The following CNTN5 variants were observed in gnomAD, a reference collection of about 807,000 sequenced individuals.
The protein encoded by CNTN5 is contactin 5.
CNTN5 carries 77 observed loss-of-function variants against 129.1 expected under a neutral mutation model. The ratio of observed to expected loss-of-function variants is 0.60; its 90% CI spans 0.50 to 0.72. The LOEUF (loss-of-function observed/expected upper bound fraction) is 0.72. Among genes scored for constraint, CNTN5 ranks in the 30% least tolerant of loss-of-function variants. The pLI is 0.00. For synonymous variants in CNTN5, 509 were observed against 465.6 expected (o/e 1.09, Z -1.20); for missense variants, 1,478 against 1,328.8 (o/e 1.11, Z -1.75).
chr11:99,563,980 G>A (rs1402844377), intron 3 of CNTN5, among the ~76,000 whole-genome samples: 2 of 152,106 alleles, frequency 1.3e-5, no homozygotes, highest in African/African-American at 2.4e-5. Flanking sequence ...CAGAGAGCAC[G>A]TACAGCAATA....
chr11:99,759,090 AG>A (rs768694069), intron 3 of CNTN5, among the ~76,000 whole-genome samples: 1 of 152,078 alleles, frequency 6.6e-6, no homozygotes, highest in Non-Finnish European at 1.5e-5. Flanking sequence ...CAATCCACAT[AG>A]CAACTCTATA....
chr11:100,189,266 TA>T (rs35445081), intron 13 of CNTN5, among the ~76,000 whole-genome samples: 35,238 of 130,820 alleles, frequency 0.27, 4,196 homozygotes, highest in African/African-American at 0.34. Context: ...TAAGTTGAAT[TA>T]AAAAAAAAAA....
At chr11:99,744,091 T>A (rs552156407) in intron 3 of CNTN5, among the ~76,000 whole-genome samples, 1 of 152,236 alleles carries the variant, frequency 6.6e-6, no homozygotes, top group East Asian at 1.9e-4. Context: ...GGAAGACATA[T>A]ACTTCCAAAG....
intron 3 of CNTN5, among the ~76,000 whole-genome samples, chr11:99,578,281 A>G (rs978392842): frequency 3.9e-5 from 6 of 152,040 alleles, no homozygotes; most frequent in South Asian, 2.1e-4. Flanking sequence ...TAGTGCCACA[A>G]TAAACATACG....
intron 21 of CNTN5, among the ~76,000 whole-genome samples, chr11:100,329,756 C>T (rs1361288018): frequency 6.6e-6 from 1 of 152,170 alleles, no homozygotes; most frequent in East Asian, 1.9e-4. Flanking sequence ...CTCAGGAACC[C>T]TTATTGCTAG....
chr11:99,258,521 G>T (rs1591433829), intron 1 of CNTN5, among the ~76,000 whole-genome samples: 1 of 151,776 alleles, frequency 6.6e-6, no homozygotes, highest in South Asian at 2.1e-4. Context: ...TGATTTACAC[G>T]TGTCTTTTTT....
At chr11:100,009,679 T>A (rs922000390) in intron 9 of CNTN5, among the ~76,000 whole-genome samples, 1 of 152,148 alleles carries the variant, frequency 6.6e-6, no homozygotes, top group African/African-American at 2.4e-5. Flanking sequence ...GGAGAGGCAG[T>A]GGAAGCTCTT....
chr11:100,218,100 G>A (rs927301064), intron 15 of CNTN5, among the ~76,000 whole-genome samples: 3 of 152,160 alleles, frequency 2.0e-5, no homozygotes, highest in African/African-American at 7.2e-5. Flanking sequence ...AATGATATGC[G>A]TCAATGAGCT....
At chr11:99,802,450 C>T (rs571779238) in intron 3 of CNTN5, among the ~76,000 whole-genome samples, 17 of 152,124 alleles carry the variant, frequency 1.1e-4, no homozygotes, top group Non-Finnish European at 2.2e-4. Context: ...TTAATAGTGC[C>T]GTTTGCAAGG....
intron 3 of CNTN5, among the ~76,000 whole-genome samples, chr11:99,564,073 GT>G (rs950917088): frequency 6.6e-6 from 1 of 151,728 alleles, no homozygotes; most frequent in Non-Finnish European, 1.5e-5. Flanking sequence ...AAGCAATTCT[GT>G]TTTTTTTAAA....
rs146845076 is a variant in CNTN5, at chr11:99,847,950, C to T, written c.577+2688C>T. On this transcript the variant is annotated intron_variant, in intron 6 of 24. Transcript: ENST00000524871. The stretch of plus-strand genomic sequence containing the variant: ...TCCGCAGGCTGGGCGCGGTGGCTCA[C>T]GCCCATAACCCCAGCATTTTGGGCA... Among the ~76,000 whole-genome samples the T allele has an allele frequency of 8.8e-3, 1,334 of 152,306 alleles. 9 individuals are homozygous for T. The highest frequency in any genetic ancestry group is 0.014 in the Non-Finnish European group (960 of 68,024).
At position 99,892,270 on chromosome 11, in the gene CNTN5, G is replaced by C. The variant is rs182058841; in HGVS notation, c.578-23784G>C. Among the ~76,000 whole-genome samples the C allele has an allele frequency of 5.3e-5, 8 of 152,240 alleles. No homozygotes were observed. The East Asian group carries it at 1.5e-3, about 29-fold the overall frequency. ...GATTGCAAAAATTTTCTTTCATTCT[G>C]TAGGTTGCCTGTTCACTCTAATGAC... On this transcript the variant is annotated intron_variant, in intron 6 of 24. Transcript: ENST00000524871.
chr11:99,055,951 A>G (rs1213788907), intron 1 of CNTN5, among the ~76,000 whole-genome samples: 1 of 151,856 alleles, frequency 6.6e-6, no homozygotes, highest in East Asian at 1.9e-4. Context: ...CAAGGCTTGC[A>G]TGCTTTTTAC....
At chr11:99,619,148 T>C (rs1213717089) in intron 3 of CNTN5, among the ~76,000 whole-genome samples, 2 of 151,376 alleles carry the variant, frequency 1.3e-5, no homozygotes, top group African/African-American at 2.4e-5. Flanking sequence ...CAAAACTGAC[T>C]CCATCAAAAT....
intron 3 of CNTN5, among the ~76,000 whole-genome samples, chr11:99,808,880 T>G (rs1181901078): frequency 3.3e-5 from 5 of 152,114 alleles, no homozygotes; most frequent in Non-Finnish European, 2.9e-5. Context: ...CCTTGTGACT[T>G]GAGCATCACA....
chr11:99,174,216 C>G (rs974000663), intron 1 of CNTN5, among the ~76,000 whole-genome samples: 6 of 152,032 alleles, frequency 3.9e-5, no homozygotes, highest in African/African-American at 1.4e-4. Context: ...CCAGGCTGGT[C>G]CCAAACTTCT....
rs182843520 is a variant in CNTN5, at chr11:99,168,999, C to T, written c.-210+147729C>T. 7.2e-5 allele frequency among the ~76,000 whole-genome samples: 11 copies of T among 152,234 alleles called. No homozygotes were observed. The South Asian group carries it at 8.3e-4, about 11-fold the overall frequency. On this transcript the variant is annotated intron_variant, in intron 1 of 24. Coordinates refer to ENST00000524871, the MANE Select transcript of CNTN5 (RefSeq NM_014361.4). ...ATGGTGTTAGTTTCTATTCTTTCTT[C>T]GCACAACTGACATGAAGAACAAATA...
chr11:100,229,009 C>G (rs1358216932), intron 16 of CNTN5, among the ~76,000 whole-genome samples: 2 of 152,092 alleles, frequency 1.3e-5, no homozygotes, highest in African/African-American at 2.4e-5. Context: ...GGGCCCCGAA[C>G]TTGCAAGTTC....
Position 99,410,833 on chromosome 11 carries a change from TAATC to T in CNTN5, c.-71+85351_-71+85354del, listed in dbSNP as rs1466723622. Among the ~76,000 whole-genome samples the T allele has an allele frequency of 2.6e-5, 4 of 152,358 alleles. No individual in the cohort carries two copies. In the East Asian group the frequency reaches 5.8e-4, roughly 22 times the overall value. On this transcript the variant is annotated intron_variant, in intron 2 of 24. Transcript: ENST00000524871. Reference sequence around the variant, plus strand: ...AGCTGTTGCTCACTCTATTCCCTGATAATCATTTATAGTTACTTGTCACAGTTTA... The same window carrying T: ...AGCTGTTGCTCACTCTATTCCCTGATATTTATAGTTACTTGTCACAGTTTA...
Sources: allele counts gnomAD v4.1 joint callset (sites outside exome capture counted in the v4.1 genomes callset), GRCh38; gene constraint gnomAD v4.1.1; transcripts MANE v1.5; gene names NCBI Gene and HGNC (gene_info 2026-07-23, HGNC 2026-07-21).